ABCA3: variants seen among roughly 807,000 people sequenced by gnomAD.
ABCA3 encodes phospholipid-transporting ATPase ABCA3.
A neutral mutation model predicts 172.8 loss-of-function variants in ABCA3; 88 were observed. That is an observed-to-expected ratio of 0.51 (90% CI 0.43 to 0.61). The LOEUF is 0.61. Ranked by LOEUF, ABCA3 falls within the 20% of genes least tolerant of loss-of-function variation. The pLI is 0.00. For missense variants in ABCA3, 2,164 were observed against 2,301.0 expected, an observed-to-expected ratio of 0.94 and a Z score of 1.22; for synonymous variants, 1,066 against 983.8, an observed-to-expected ratio of 1.08 and a Z score of -1.56.
chr16:2,340,537 A>T (rs2093759351), intron 1 of ABCA3, 36 bp downstream of exon 1: 1 of 149,310 alleles, frequency 6.7e-6, no homozygotes, highest in South Asian at 2.1e-4. Flanking sequence ...AGCCCCGGGA[A>T]CGAGCGCGCG....
At chr16:2,308,755 C>T in intron 10 of ABCA3, 132 bp from the exon 11 acceptor site, 3 of 1,022,604 alleles carry the variant, frequency 2.9e-6, no homozygotes, top group Non-Finnish European at 4.4e-6. Context: ...TTGCCATCTA[C>T]ACGGGACACA....
chr16:2,309,603 A>G (rs537652673), intron 10 of ABCA3, among the ~76,000 whole-genome samples: 1 of 152,138 alleles, frequency 6.6e-6, no homozygotes, highest in African/African-American at 2.4e-5. Context: ...GCAGTGCTCA[A>G]ACTGTTTGGT....
chr16:2,284,321 A>T lies in ABCA3; in HGVS notation c.3820T>A (p.Cys1274Ser). The change falls in exon 25 of 33, where the codon TGC becomes AGC. Residue 1274 changes from cysteine (C) to serine (S), a missense_variant. This residue lies in a region of ABCA3 where 795 missense variants were observed against 881.9 expected (regional missense o/e 0.90). Coordinates refer to ENST00000301732, the MANE Select transcript of ABCA3 (RefSeq NM_001089.3). The surrounding 1 kb of genome is among the most constrained non-coding windows in gnomAD (Gnocchi z 5.9). ...TGGGCGGCGACCTCGGAGGAGGTGC[A>T]GTACCTCCGCGTCTCGTAGTTCTCG... Reference protein sequence around the residue: ...FYENYETRRYCTSSEVAAHYC... With the variant: ...FYENYETRRYSTSSEVAAHYC... The T allele has an allele frequency of 6.2e-7, 1 of 1,613,884 alleles. No homozygotes were observed. The highest frequency in any genetic ancestry group is 8.5e-7 in the Non-Finnish European group (1 of 1,179,998).
rs1266331793 is a variant in ABCA3 at position 2,284,324 on chromosome 16, A to C, written c.3817T>G (p.Tyr1273Asp). 5 of 1,613,614 alleles carry C rather than the reference A, an allele frequency of 3.1e-6. No homozygotes were observed. Reference protein sequence around the residue: ...SFYENYETRRYCTSSEVAAHY... With the variant: ...SFYENYETRRDCTSSEVAAHY... ...GCGGCGACCTCGGAGGAGGTGCAGT[A>C]CCTCCGCGTCTCGTAGTTCTCGTAG... Residue 1273 changes from tyrosine to aspartate, a missense_variant, in exon 25 of 33, where the codon TAC becomes GAC. Transcript: ENST00000301732. This position sits in a 1 kb window ranked among gnomAD's most constrained non-coding sequence, Gnocchi z 5.9.
intron 14 of ABCA3, among the ~76,000 whole-genome samples, chr16:2,298,813 C>T (rs2093684319): frequency 1.3e-5 from 2 of 152,324 alleles, no homozygotes; most frequent in Middle Eastern, 3.4e-3. Flanking sequence ...AATCAGCCCC[C>T]GCCCCGGGTC....
At chr16:2,290,002 C>CACACACACACACA (rs10675689) in intron 19 of ABCA3, among the ~76,000 whole-genome samples, 4 of 147,166 alleles carry the variant, frequency 2.7e-5, no homozygotes, top group African/African-American at 7.5e-5. Flanking sequence ...CACACACACA[C>CACACACACACACA]CCCTTCCTAG....
chr16:2,286,759 G>A lies in ABCA3; in HGVS notation c.3213C>T (p.Ser1071=). ...LFKLLCGPHA[S]IVVSNFPQPR... ...GCTGGGGGAAGTTGGAGACCACAAT[G>A]GAGGCGTGAGGCCCGCACAGCAGCT... The change falls in exon 22 of 33, where the codon TCC becomes TCT. Residue 1071 remains serine (S), a synonymous_variant. Coordinates refer to ENST00000301732, the MANE Select transcript of ABCA3 (RefSeq NM_001089.3). The surrounding 1 kb of genome is among the most constrained non-coding windows in gnomAD (Gnocchi z 5.2). The A allele has an allele frequency of 6.2e-7, 1 of 1,614,082 alleles. No homozygotes were observed. Among genetic ancestry groups the A allele is most frequent in the Non-Finnish European group, 8.5e-7 (1 of 1,180,002 alleles).
At chr16:2,289,342 C>T (rs2093668144) in intron 20 of ABCA3, 92 bp downstream of exon 20, 2 of 1,476,228 alleles carry the variant, frequency 1.4e-6, no homozygotes, top group Middle Eastern at 2.3e-4. Flanking sequence ...CTGTTTGCGC[C>T]CTCGCAGACT....
In ABCA3 at chr16:2,308,447, C is replaced by A; in HGVS notation, c.1285+3G>T. ...GAACAGGCTGGACAAGGCAAACACT[C>A]ACCTTTCGCCTCAAATTTCCCAATG... On this transcript the variant is annotated splice_donor_region_variant and intron_variant, in intron 11 of 32. Transcript: ENST00000301732. 1 of 1,614,134 alleles carries A rather than the reference C, an allele frequency of 6.2e-7. No homozygotes were observed. Among genetic ancestry groups the A allele is most frequent in the Non-Finnish European group, 8.5e-7 (1 of 1,179,982 alleles).
In ABCA3 at chr16:2,284,018, G is replaced by A. The variant is rs891071901; in HGVS notation, c.3862+261C>T. On this transcript the variant is annotated intron_variant, in intron 25 of 32. Transcript: ENST00000301732. The surrounding 1 kb of genome is among the most constrained non-coding windows in gnomAD (Gnocchi z 5.9). ...CTGAGCCATGGGGGATTCACTCCTC[G>A]TGCTAAGCGCTGGTCTGTGGTTCCT... The A allele has an allele frequency of 2.7e-5, 12 of 444,162 alleles. No homozygotes were observed. Among genetic ancestry groups the A allele is most frequent in the Admixed American group, 2.5e-4 (7 of 28,340 alleles). 27.5% of individuals were successfully genotyped at this position (444,162 alleles called of 1,614,324 possible). A position where few individuals can be genotyped will look rare whatever the true frequency, so the allele number is the denominator to read the frequency against.
In ABCA3 at chr16:2,297,457, C is replaced by CT; in HGVS notation, c.2134dup (p.Ser712LysfsTer2). 1 of 1,613,812 alleles carries CT rather than the reference C, an allele frequency of 6.2e-7. No individual in the cohort carries two copies. Among genetic ancestry groups the CT allele is most frequent in the Non-Finnish European group, 8.5e-7 (1 of 1,180,032 alleles). ...GGTGGTCAGCACGATGGTGCGGTCA[C>CT]TTTTCTGCCGCTGAAGAAGATCCCA... On this transcript the variant is annotated frameshift_variant, in exon 17 of 33. Coordinates refer to ENST00000301732, the MANE Select transcript of ABCA3 (RefSeq NM_001089.3). LOFTEE classifies it high-confidence loss of function. This position sits in a 1 kb window ranked among gnomAD's most constrained non-coding sequence, Gnocchi z 5.6.
At chr16:2,292,537 T>G (rs1037949300) in intron 18 of ABCA3, among the ~76,000 whole-genome samples, 1 of 151,952 alleles carries the variant, frequency 6.6e-6, no homozygotes, top group Non-Finnish European at 1.5e-5. Context: ...AGGTGGAGGC[T>G]GCAGTGAACC....
At chr16:2,326,372 G>A (rs759139132) in intron 4 of ABCA3, 41 bp downstream of exon 4, 1 of 1,612,392 alleles carries the variant, frequency 6.2e-7, no homozygotes, top group African/African-American at 1.3e-5. Flanking sequence ...GAGCCTCTGG[G>A]CTAGGCACGC....
chr16:2,278,832 G>A lies in ABCA3; in HGVS notation c.4547+111C>T. The A allele has an allele frequency of 6.7e-7, 1 of 1,500,552 alleles. No homozygotes were observed. The highest frequency in any genetic ancestry group is 9.2e-7 in the Non-Finnish European group (1 of 1,090,386). 93.0% of individuals were successfully genotyped at this position (1,500,552 alleles called of 1,614,324 possible). ...CACCACATCCCAGCTCCATCCTGGA[G>A]CCACAAGCAGGAGCTCTGGCTGCTG... On this transcript the variant is annotated intron_variant, in intron 29 of 32. Coordinates refer to ENST00000301732, the MANE Select transcript of ABCA3 (RefSeq NM_001089.3). This position sits in a 1 kb window ranked among gnomAD's most constrained non-coding sequence, Gnocchi z 4.4.
At chr16:2,323,490 G>A in intron 7 of ABCA3, 33 bp downstream of exon 7, 2 of 1,613,548 alleles carry the variant, frequency 1.2e-6, no homozygotes, top group South Asian at 1.1e-5. Flanking sequence ...AACAGCCCGG[G>A]CTGGTAACAC....
Position 2,281,027 on chromosome 16 carries a change from C to G in ABCA3, c.4359G>C (p.Lys1453Asn). ...GGHRISSDVG[K>N]VRQRIGYCPQ... ...TCAGAGCCTCCCTGGCTGCACCCAC[C>G]TTTCCGACATCAGAGCTGATTCTGT... The change falls in exon 28 of 33, where the codon AAG (lysine) becomes AAC (asparagine). Residue 1453 changes from lysine to asparagine, a missense_variant and splice_region_variant. Coordinates refer to ENST00000301732, the MANE Select transcript of ABCA3 (RefSeq NM_001089.3). The surrounding 1 kb of genome is among the most constrained non-coding windows in gnomAD (Gnocchi z 4.7). The G allele has an allele frequency of 6.2e-7, 1 of 1,613,926 alleles. No individual in the cohort carries two copies. The highest frequency in any genetic ancestry group is 8.5e-7 in the Non-Finnish European group (1 of 1,180,022).
chr16:2,298,468 C>T lies in ABCA3; in HGVS notation c.1814G>A (p.Arg605Gln), dbSNP rs760006956. 2.5e-5 allele frequency: 40 copies of T among 1,613,968 alleles called. No homozygotes were observed. Among genetic ancestry groups the T allele is most frequent in the East Asian group, 2.2e-4 (10 of 44,884 alleles). The change falls in exon 15 of 33, where the codon CGG becomes CAG. Residue 605 changes from arginine (R) to glutamine (Q), a missense_variant. Arg to Gln is a conservative substitution (Grantham distance 43). Around this residue, in one of 3 missense-constraint regions of ABCA3, gnomAD observed 1,343 missense variants for 1,369.6 expected, o/e 0.98. Transcript: ENST00000301732. Reference protein sequence around the residue: ...YEISQDMVQIRKSLGLCPQHD... With the variant: ...YEISQDMVQIQKSLGLCPQHD... ...CTGCGGGCACAGGCCCAGGCTCTTC[C>T]GGATCTGAACCATGTCCTGGGAAAT...
rs553287328 is a variant in ABCA3, at chr16:2,277,180, C to T, written c.4984-375G>A. ...GCACAATCATAGCTCACTGCAGTCT[C>T]GAACTCCCAGGCTCAAGCGATCCTC... On this transcript the variant is annotated intron_variant, in intron 32 of 32. Transcript: ENST00000301732. The surrounding 1 kb of genome is among the most constrained non-coding windows in gnomAD (Gnocchi z 5.3). Among the ~76,000 whole-genome samples, 7 of 152,234 alleles carry T rather than the reference C, an allele frequency of 4.6e-5. No individual in the cohort carries two copies. In the East Asian group the frequency reaches 5.8e-4, roughly 13 times the overall value.
At position 2,285,908 on chromosome 16, in the gene ABCA3, C is replaced by G. The variant is rs547202123; in HGVS notation, c.3279-262G>C. ...TCACCCCGCTCCCAGCCCTCAGCCC[C>G]ACGGCTGCCGGCGACCTTGCCCAGG... is the stretch of plus-strand genomic sequence containing the variant. On this transcript the variant is annotated intron_variant, in intron 22 of 32. Transcript: ENST00000301732. This position sits in a 1 kb window ranked among gnomAD's most constrained non-coding sequence, Gnocchi z 4.7. 3.3e-5 allele frequency among the ~76,000 whole-genome samples: 5 copies of G among 152,344 alleles called. No homozygotes were observed. The East Asian group carries it at 9.6e-4, about 29-fold the overall frequency.
Sources: gnomAD v4.1 joint callset for allele counts (sites outside exome capture counted in the v4.1 genomes callset) on GRCh38, gnomAD v4.1.1 for gene constraint, gnomAD v4.1.1 regional missense constraint, Gnocchi (gnomAD v3.1) non-coding constraint, MANE v1.5 for transcripts, NCBI Gene and HGNC (gene_info 2026-07-23, HGNC 2026-07-21) for gene names.